The following CSMD1 variants were observed in gnomAD, a reference collection of about 807,000 sequenced individuals.
The protein encoded by CSMD1 is CUB and Sushi multiple domains 1.
A neutral mutation model predicts 417.5 loss-of-function variants in CSMD1; 213 were observed. The observed-to-expected ratio is 0.51, with a 90% CI of 0.46 to 0.57. CSMD1 has a LOEUF of 0.57. Ranked by LOEUF, CSMD1 falls within the 20% of genes least tolerant of loss-of-function variation. The pLI is 0.00. For missense variants in CSMD1, 6,923 were observed against 4,529.7 expected, an observed-to-expected ratio of 1.53 and a Z score of -15.17; for synonymous variants, 2,862 against 1,736.8, an observed-to-expected ratio of 1.65 and a Z score of -16.11.
At chr8:4,094,756 G>T (rs58726138) in intron 3 of CSMD1, among the ~76,000 whole-genome samples, 34,151 of 152,016 alleles carry the variant, frequency 0.22, 4,777 homozygotes, top group African/African-American at 0.39. Flanking sequence ...AATGATGGAG[G>T]TGAGATGCTG....
At chr8:4,220,365 C>A (rs879591841) in intron 3 of CSMD1, among the ~76,000 whole-genome samples, 2 of 152,164 alleles carry the variant, frequency 1.3e-5, no homozygotes, top group African/African-American at 2.4e-5. Flanking sequence ...GAGGACCACA[C>A]CATGAGGAGG....
chr8:3,336,327 T>G (rs111300937), intron 23 of CSMD1, among the ~76,000 whole-genome samples: 9 of 152,280 alleles, frequency 5.9e-5, no homozygotes, highest in African/African-American at 2.2e-4. Context: ...CATCACAAAT[T>G]GTAGGCATTC....
chr8:3,423,092 T>C (rs1474671553), intron 12 of CSMD1, among the ~76,000 whole-genome samples: 5 of 152,234 alleles, frequency 3.3e-5, no homozygotes, highest in African/African-American at 1.2e-4. Flanking sequence ...ACAGATTAAA[T>C]TATTTTGGGG....
intron 5 of CSMD1, among the ~76,000 whole-genome samples, chr8:3,769,916 T>G (rs188925812): frequency 1.2e-3 from 190 of 152,338 alleles, no homozygotes; most frequent in Middle Eastern, 3.4e-3. Context: ...AAATGCCTAT[T>G]GCAATATTGC....
chr8:4,139,541 C>T (rs1311195252), intron 3 of CSMD1, among the ~76,000 whole-genome samples: 1 of 150,986 alleles, frequency 6.6e-6, no homozygotes, highest in African/African-American at 2.5e-5. Flanking sequence ...GGCACTCATC[C>T]TGCACGACGA....
chr8:4,406,239 G>A (rs572877130), intron 3 of CSMD1, among the ~76,000 whole-genome samples: 1 of 152,218 alleles, frequency 6.6e-6, no homozygotes, highest in African/African-American at 2.4e-5. Flanking sequence ...CCCAAATGGT[G>A]CAAGTGGCTC....
chr8:4,303,038 G>T (rs1468729109), intron 3 of CSMD1, among the ~76,000 whole-genome samples: 2 of 152,008 alleles, frequency 1.3e-5, no homozygotes, highest in Non-Finnish European at 2.9e-5. Context: ...TTGTGTTTAG[G>T]GAAAACACAT....
At chr8:3,722,258 A>G (rs998275553) in intron 6 of CSMD1, among the ~76,000 whole-genome samples, 11 of 152,104 alleles carry the variant, frequency 7.2e-5, no homozygotes, top group African/African-American at 2.7e-4. Flanking sequence ...CAGTGAGTCG[A>G]GATCACACCA....
At chr8:4,848,494 G>T (rs1219012392) in intron 1 of CSMD1, among the ~76,000 whole-genome samples, 1 of 152,032 alleles carries the variant, frequency 6.6e-6, no homozygotes, top group South Asian at 2.1e-4. Flanking sequence ...CTATCGTGCT[G>T]CCAGTCATTA....
At chr8:3,925,542 G>T (rs981407120) in intron 5 of CSMD1, among the ~76,000 whole-genome samples, 1 of 152,146 alleles carries the variant, frequency 6.6e-6, no homozygotes, top group African/African-American at 2.4e-5. Flanking sequence ...GAATTCCCAG[G>T]TGTTGTGAGA....
At chr8:3,550,043 G>C (rs191217262) in intron 10 of CSMD1, among the ~76,000 whole-genome samples, 9 of 152,170 alleles carry the variant, frequency 5.9e-5, no homozygotes, top group African/African-American at 2.2e-4. Flanking sequence ...GATTTTTCTT[G>C]TTTCATATTG....
In CSMD1 at chr8:4,734,373, G is replaced by A. The variant is rs182110384; in HGVS notation, c.86-96815C>T. Reference sequence around the variant, plus strand: ...TAGTTATTTAGAGCTTCCTCTGAGTGTTCTATGCATGTTTGTGCAATTTTT... The same window carrying A: ...TAGTTATTTAGAGCTTCCTCTGAGTATTCTATGCATGTTTGTGCAATTTTT... On this transcript the variant is annotated intron_variant, in intron 1 of 69. Transcript: ENST00000635120. Among the ~76,000 whole-genome samples, 257 of 152,030 alleles carry A rather than the reference G, an allele frequency of 1.7e-3. 1 individual carries two copies. The highest frequency in any genetic ancestry group is 2.4e-3 in the Non-Finnish European group (160 of 67,966).
chr8:4,578,450 T>A (rs1445859722), intron 2 of CSMD1, among the ~76,000 whole-genome samples: 1 of 150,414 alleles, frequency 6.6e-6, no homozygotes, highest in Non-Finnish European at 1.5e-5. Context: ...CTACATCATA[T>A]TCTTCACTGT....
At chr8:4,407,023 C>G (rs543910322) in intron 3 of CSMD1, among the ~76,000 whole-genome samples, 2 of 152,142 alleles carry the variant, frequency 1.3e-5, no homozygotes, top group Non-Finnish European at 2.9e-5. Context: ...CTACGGGTCC[C>G]CTGTCTTGGT....
At chr8:4,694,974 C>T (rs1020008355) in intron 1 of CSMD1, among the ~76,000 whole-genome samples, 1 of 152,064 alleles carries the variant, frequency 6.6e-6, no homozygotes, top group Non-Finnish European at 1.5e-5. Flanking sequence ...CCTTTCACAG[C>T]TTACATTAAA....
chr8:3,032,826 C>T (rs939004827), intron 50 of CSMD1, among the ~76,000 whole-genome samples: 3 of 152,060 alleles, frequency 2.0e-5, no homozygotes, highest in Non-Finnish European at 2.9e-5. Flanking sequence ...TTCACTTGCA[C>T]ACCCTTAAAA....
At chr8:4,941,336 A>T (rs1807985522) in intron 1 of CSMD1, among the ~76,000 whole-genome samples, 1 of 144,512 alleles carries the variant, frequency 6.9e-6, no homozygotes, top group Non-Finnish European at 1.5e-5. Flanking sequence ...CTTCATAATA[A>T]ATGTTTTGAG....
chr8:4,606,836 T>A (rs1800896195), intron 2 of CSMD1, among the ~76,000 whole-genome samples: 1 of 152,170 alleles, frequency 6.6e-6, no homozygotes, highest in African/African-American at 2.4e-5. Flanking sequence ...AATCCAGAAA[T>A]AATATGACAT....
chr8:4,907,061 A>G (rs1805330692), intron 1 of CSMD1, among the ~76,000 whole-genome samples: 1 of 152,168 alleles, frequency 6.6e-6, no homozygotes, highest in African/African-American at 2.4e-5. Flanking sequence ...CAGTGAGAGA[A>G]TGTTCTATTT....
Sources: allele counts gnomAD v4.1 joint callset (sites outside exome capture counted in the v4.1 genomes callset), GRCh38; gene constraint gnomAD v4.1.1; transcripts MANE v1.5; gene names NCBI Gene and HGNC (gene_info 2026-07-23, HGNC 2026-07-21).